Variants in TRPC3 observed in about 807,000 individuals in gnomAD.
The protein encoded by TRPC3 is short transient receptor potential channel 3.
In TRPC3, 54 loss-of-function variants were observed where a neutral mutation model predicts 90.9. That is an observed-to-expected ratio of 0.59 (90% CI 0.48 to 0.75). The LOEUF is 0.75. Ranked by LOEUF, TRPC3 falls within the 30% of genes least tolerant of loss-of-function variation. The pLI is 0.00. For synonymous variants in TRPC3, 424 were observed against 450.9 expected (o/e 0.94, Z 0.75); for missense variants, 918 against 1,194.5 (o/e 0.77, Z 3.41).
At chr4:121,933,106 C>CCTTCCTTTCACATT in intron 1 of TRPC3, 64 bp from the exon 2 acceptor site, 1 of 1,499,276 alleles carries the variant, frequency 6.7e-7, no homozygotes, top group East Asian at 2.3e-5. Flanking sequence ...TTTCACATGT[C>CCTTCCTTTCACATT]AGGGCCCTTT....
chr4:121,887,122 G>A (rs2149107065), intron 10 of TRPC3, among the ~76,000 whole-genome samples: 1 of 152,260 alleles, frequency 6.6e-6, no homozygotes, highest in East Asian at 1.9e-4. Context: ...AGAGGTAGGG[G>A]ACTGTGACTG....
Position 121,907,422 on chromosome 4 carries a change from A to G in TRPC3, c.1938T>C (p.Thr646=). ...FGPLQISLGR[T]VKDIFKFMVL... ...CCATGAACTTGAATATGTCCTTTAC[A>G]GTCCTTCCAAGAGAGATCTGCAGGG... Residue 646 remains threonine (T), a synonymous_variant, in exon 7 of 12, where the codon ACT becomes ACC. Transcript: ENST00000379645. 1 of 1,613,518 alleles carries G rather than the reference A, an allele frequency of 6.2e-7. No individual in the cohort carries two copies. The highest frequency in any genetic ancestry group is 8.5e-7 in the Non-Finnish European group (1 of 1,179,594).
At chr4:121,934,544 G>A (rs894570265) in intron 1 of TRPC3, among the ~76,000 whole-genome samples, 2 of 152,176 alleles carry the variant, frequency 1.3e-5, no homozygotes, top group Non-Finnish European at 2.9e-5. Flanking sequence ...AAAGTTAAAA[G>A]TGAACGGCTA....
At chr4:121,889,528 C>T (rs1284049975) in intron 10 of TRPC3, among the ~76,000 whole-genome samples, 3 of 152,162 alleles carry the variant, frequency 2.0e-5, no homozygotes, top group African/African-American at 7.2e-5. Context: ...AATAAGATTT[C>T]ACCTCACCCT....
At chr4:121,899,564 T>C (rs200733649) in intron 10 of TRPC3, 48 bp downstream of exon 10, 1 of 1,478,584 alleles carries the variant, frequency 6.8e-7, no homozygotes, top group African/African-American at 1.4e-5. Flanking sequence ...CACGCAGACA[T>C]ATATGGAATC....
intron 1 of TRPC3, 87 bp from the exon 2 acceptor site, chr4:121,933,129 C>T: frequency 6.8e-7 from 1 of 1,461,434 alleles, no homozygotes; most frequent in African/African-American, 1.4e-5. Context: ...GGAATACACA[C>T]TACCCACTGC....
intron 1 of TRPC3, among the ~76,000 whole-genome samples, chr4:121,950,236 C>A (rs991903061): frequency 6.6e-6 from 1 of 152,200 alleles, no homozygotes; most frequent in Non-Finnish European, 1.5e-5. Context: ...TGTGTTCTAC[C>A]GGCAGGTCCA....
rs1344466078 is a variant in TRPC3 at position 121,876,111 on chromosome 4, C to A, written c.*3625G>T. On this transcript the variant is annotated 3_prime_UTR_variant, in exon 12 of 12. Coordinates refer to ENST00000379645, the MANE Select transcript of TRPC3 (RefSeq NM_001130698.2). ...GAGACAGTTTCACCATGTTGCCCTG[C>A]TGGTCTCGAACTCCTGAACTGAAGC... 1.3e-5 allele frequency among the ~76,000 whole-genome samples: 2 copies of A among 151,658 alleles called. No homozygotes were observed. Among genetic ancestry groups the A allele is most frequent in the African/African-American group, 4.8e-5 (2 of 41,256 alleles).
intron 3 of TRPC3, among the ~76,000 whole-genome samples, chr4:121,919,354 C>T (rs1440205697): frequency 6.6e-6 from 1 of 152,124 alleles, no homozygotes; most frequent in Non-Finnish European, 1.5e-5. Context: ...CTGTTAGAGC[C>T]ACAATTCATA....
Position 121,875,986 on chromosome 4 carries a change from C to T in TRPC3, c.*3750G>A, listed in dbSNP as rs1423847167. On this transcript the variant is annotated 3_prime_UTR_variant, in exon 12 of 12. Coordinates refer to ENST00000379645, the MANE Select transcript of TRPC3 (RefSeq NM_001130698.2). ...GTGAACCAGCTCACTGCAGCCTCAACTTCCTGGGCTCAAGTTATCCTCTCA... is the reference window on the plus strand; with the variant it reads ...GTGAACCAGCTCACTGCAGCCTCAATTTCCTGGGCTCAAGTTATCCTCTCA... Among the ~76,000 whole-genome samples the T allele has an allele frequency of 1.5e-5, 2 of 137,382 alleles. No individual in the cohort carries two copies. The highest frequency in any genetic ancestry group is 3.0e-5 in the Non-Finnish European group (2 of 65,656). 90.1% of individuals were successfully genotyped at this position (137,382 alleles called of 152,430 possible).
At chr4:121,891,554 A>C (rs901869901) in intron 10 of TRPC3, among the ~76,000 whole-genome samples, 4 of 152,188 alleles carry the variant, frequency 2.6e-5, no homozygotes, top group Non-Finnish European at 5.9e-5. Context: ...GCAATTAAAA[A>C]GTAGCAAACA....
intron 3 of TRPC3, among the ~76,000 whole-genome samples, chr4:121,916,098 C>A (rs1729309110): frequency 6.6e-6 from 1 of 152,256 alleles, no homozygotes; most frequent in South Asian, 2.1e-4. Flanking sequence ...CCTCTTTGAT[C>A]AAGTTCTAGT....
At chr4:121,910,500 A>G in intron 5 of TRPC3, 113 bp from the exon 6 acceptor site, 1 of 790,674 alleles carries the variant, frequency 1.3e-6, no homozygotes, top group Non-Finnish European at 2.1e-6. Context: ...GCACAGTACT[A>G]GGCATCACAA....
At chr4:121,881,962 G>A (rs1263224606) in intron 11 of TRPC3, among the ~76,000 whole-genome samples, 1 of 152,130 alleles carries the variant, frequency 6.6e-6, no homozygotes. Context: ...AGGTTTTCCT[G>A]AAGACATGAA....
rs1727716945 is a variant in TRPC3 at position 121,874,558 on chromosome 4, A to T, written c.*5178T>A. ...ATAGATCAAGGTGTCAGCAGGGAATAAAACCGATCTTCAGAGGCCTCTCTT... is the reference window on the plus strand; with the variant it reads ...ATAGATCAAGGTGTCAGCAGGGAATTAAACCGATCTTCAGAGGCCTCTCTT... On this transcript the variant is annotated 3_prime_UTR_variant, in exon 12 of 12. Transcript: ENST00000379645. Among the ~76,000 whole-genome samples the T allele has an allele frequency of 1.3e-5, 2 of 152,186 alleles. No individual in the cohort carries two copies.
rs972176596 is a variant in TRPC3, at chr4:121,874,611, G to C, written c.*5125C>G. 6.6e-6 allele frequency among the ~76,000 whole-genome samples: 1 copy of C among 152,112 alleles called. No individual in the cohort carries two copies. The highest frequency in any genetic ancestry group is 1.5e-5 in the Non-Finnish European group (1 of 68,020). ...TGGCTTATAGATCGTCATCTTCTCCGTGTCTTCACGTGGTCCTCCCTCTAT... is the reference window on the plus strand; with the variant it reads ...TGGCTTATAGATCGTCATCTTCTCCCTGTCTTCACGTGGTCCTCCCTCTAT... On this transcript the variant is annotated 3_prime_UTR_variant, in exon 12 of 12. Coordinates refer to ENST00000379645, the MANE Select transcript of TRPC3 (RefSeq NM_001130698.2).
chr4:121,898,280 G>C (rs1437482088), intron 10 of TRPC3, among the ~76,000 whole-genome samples: 2 of 152,166 alleles, frequency 1.3e-5, no homozygotes, highest in African/African-American at 2.4e-5. Context: ...TGAAGGACTG[G>C]CATCTGTCCG....
intron 2 of TRPC3, 130 bp from the exon 3 acceptor site, chr4:121,925,336 C>T (rs1381113419): frequency 2.4e-5 from 23 of 968,470 alleles, no homozygotes; most frequent in Non-Finnish European, 3.3e-5. Flanking sequence ...GGATGCAAGG[C>T]TTGTTGAGCT....
chr4:121,895,208 C>T (rs1406783696), intron 10 of TRPC3, among the ~76,000 whole-genome samples: 1 of 151,092 alleles, frequency 6.6e-6, no homozygotes. Context: ...CTACATCCAT[C>T]AAAAAACTAG....
Sources: gnomAD v4.1 joint callset for allele counts (sites outside exome capture counted in the v4.1 genomes callset) on GRCh38, gnomAD v4.1.1 for gene constraint, MANE v1.5 for transcripts, NCBI Gene and HGNC (gene_info 2026-07-23, HGNC 2026-07-21) for gene names.